Variants in IGF2R observed in about 807,000 individuals in gnomAD.
IGF2R encodes insulin like growth factor 2 receptor, also known as cation-independent mannose-6-phosphate receptor.
A neutral mutation model predicts 270.6 loss-of-function variants in IGF2R; 91 were observed. The observed-to-expected ratio is 0.34, with a 90% CI of 0.28 to 0.40. IGF2R has a LOEUF of 0.40. IGF2R is among the 10% of genes least tolerant of loss of function. The probability of loss-of-function intolerance (pLI) is 1.00; values close to 1 mark genes in which losing one functional copy is unlikely to be tolerated. For missense variants in IGF2R, 2,805 were observed against 3,188.3 expected (o/e 0.88, Z 2.90); for synonymous variants, 1,316 against 1,258.9 (o/e 1.05, Z -0.96).
chr6:159,975,185 A>G (rs564967010), intron 1 of IGF2R, among the ~76,000 whole-genome samples: 3 of 152,282 alleles, frequency 2.0e-5, no homozygotes, highest in Non-Finnish European at 4.4e-5. Context: ...ACTGGCTTCA[A>G]TTTGGGGTTC....
At chr6:160,100,891 A>G (rs896413957) in intron 45 of IGF2R, among the ~76,000 whole-genome samples, 1 of 149,368 alleles carries the variant, frequency 6.7e-6, no homozygotes, top group African/African-American at 2.5e-5. Context: ...CCCAGATTCA[A>G]GTGATTCTCA....
At chr6:160,027,900 C>A (rs928560395) in intron 6 of IGF2R, among the ~76,000 whole-genome samples, 3 of 152,112 alleles carry the variant, frequency 2.0e-5, no homozygotes, top group African/African-American at 7.2e-5. Flanking sequence ...CATTCAGAGG[C>A]CTTTGGTAGA....
At chr6:159,986,525 C>T (rs12110363) in intron 1 of IGF2R, among the ~76,000 whole-genome samples, 1,616 of 151,770 alleles carry the variant, frequency 0.011, 29 homozygotes, top group African/African-American at 0.037. Context: ...ACCTTGGCCT[C>T]CCAAAGTGCT....
At position 160,088,134 on chromosome 6, in the gene IGF2R, C is replaced by G. The variant is rs777962020; in HGVS notation, c.6307C>G (p.Pro2103Ala). 3.2e-5 allele frequency: 52 copies of G among 1,605,270 alleles called. No individual in the cohort carries two copies. Among genetic ancestry groups the G allele is most frequent in the Non-Finnish European group, 4.4e-5 (51 of 1,172,142 alleles). ...GACCTGTACAAAGACGGTGGGCAGA[C>G]CTGCATTCAAGAGGTCAGGAGACTG... Reference protein sequence around the residue: ...ELTCTKTVGRPAFKRFDIDSC... With the variant: ...ELTCTKTVGRAAFKRFDIDSC... Residue 2103 changes from proline (P) to alanine (A), a missense_variant, in exon 42 of 48, where the codon CCT becomes GCT. Transcript: ENST00000356956.
At chr6:159,983,179 C>G (rs60199008) in intron 1 of IGF2R, among the ~76,000 whole-genome samples, 1,635 of 152,286 alleles carry the variant, frequency 0.011, 29 homozygotes, top group African/African-American at 0.038. Context: ...CCTGGGGCTA[C>G]ATTGACTTCT....
At chr6:160,039,334 C>T (rs1336048791) in intron 10 of IGF2R, among the ~76,000 whole-genome samples, 5 of 152,188 alleles carry the variant, frequency 3.3e-5, no homozygotes, top group African/African-American at 1.2e-4. Context: ...AAATACGATA[C>T]TATAATCTTT....
chr6:160,070,223 A>G (rs1021026785), intron 31 of IGF2R, among the ~76,000 whole-genome samples, 165 bp downstream of exon 31: 7 of 152,214 alleles, frequency 4.6e-5, no homozygotes, highest in Non-Finnish European at 8.8e-5. Flanking sequence ...GCGGCCTGCA[A>G]TCTGGGGAAC....
chr6:160,100,560 C>CT (rs1554250627), intron 45 of IGF2R, among the ~76,000 whole-genome samples: 2 of 151,768 alleles, frequency 1.3e-5, no homozygotes, highest in African/African-American at 2.4e-5. Context: ...AAGAGTAAAG[C>CT]TTTTTTTGGA....
intron 2 of IGF2R, among the ~76,000 whole-genome samples, chr6:159,999,222 A>G (rs933792608): frequency 6.6e-6 from 1 of 152,222 alleles, no homozygotes; most frequent in Non-Finnish European, 1.5e-5. Flanking sequence ...GTGTAGGACA[A>G]TTGAAGTAGG....
At chr6:159,987,038 C>A (rs73594484) in intron 1 of IGF2R, among the ~76,000 whole-genome samples, 1,635 of 152,166 alleles carry the variant, frequency 0.011, 29 homozygotes, top group African/African-American at 0.038. Flanking sequence ...TTTTCTAGTT[C>A]TATAATGTGA....
intron 31 of IGF2R, among the ~76,000 whole-genome samples, chr6:160,070,774 G>A (rs192087629): frequency 2.6e-5 from 4 of 152,304 alleles, no homozygotes; most frequent in East Asian, 1.9e-4. Context: ...AGGGTGGCTC[G>A]CCCCATGCTC....
At position 160,040,739 on chromosome 6, in the gene IGF2R, G is replaced by A. The variant is rs1158778418; in HGVS notation, c.1480+15G>A. On this transcript the variant is annotated intron_variant, in intron 11 of 47. Coordinates refer to ENST00000356956, the MANE Select transcript of IGF2R (RefSeq NM_000876.4). ...CCGCCATGCAGGTACTGCCCTCCTT[G>A]CCATGCGGGTCTTAGTCCACATGCT... 1.2e-6 allele frequency: 2 copies of A among 1,605,988 alleles called. No homozygotes were observed. The highest frequency in any genetic ancestry group is 1.3e-5 in the African/African-American group (1 of 74,830).
At chr6:159,980,208 A>AAGAAAGG (rs1562330501) in intron 1 of IGF2R, among the ~76,000 whole-genome samples, 1 of 90,568 alleles carries the variant, frequency 1.1e-5, no homozygotes, top group Non-Finnish European at 2.1e-5. Context: ...AGAAAGAAAG[A>AAGAAAGG]AAGAAAGAAA....
At position 159,969,269 on chromosome 6, in the gene IGF2R, G is replaced by T; in HGVS notation, c.23G>T (p.Ser8Ile). The T allele has an allele frequency of 7.1e-6, 8 of 1,130,050 alleles. No homozygotes were observed. The highest frequency in any genetic ancestry group is 7.6e-6 in the Non-Finnish European group (7 of 926,140). The allele number at this position is 1,130,050 out of a possible 1,614,324, so 70.0% of individuals were successfully genotyped here. Residue 8 changes from serine to isoleucine, a missense_variant, in exon 1 of 48, where the codon AGC becomes ATC. By Grantham distance (142) the Ser-to-Ile change is moderately radical. Transcript: ENST00000356956. ...GCGATGGGGGCCGCCGCCGGCCGGA[G>T]CCCCCACCTGGGGCCCGCGCCCGCC... Reference protein sequence around the residue: MGAAAGRSPHLGPAPARR... With the variant: MGAAAGRIPHLGPAPARR...
intron 35 of IGF2R, 61 bp from the exon 36 acceptor site, chr6:160,075,786 T>A: frequency 6.4e-7 from 1 of 1,555,010 alleles, no homozygotes; most frequent in Non-Finnish European, 8.8e-7. Context: ...AATTCTTAAT[T>A]CCACTAACCT....
intron 1 of IGF2R, among the ~76,000 whole-genome samples, chr6:159,970,898 C>T (rs1783599156): frequency 6.6e-6 from 1 of 151,422 alleles, no homozygotes; most frequent in African/African-American, 2.4e-5. Context: ...AGCAACATGG[C>T]GAAACCCCGT....
At chr6:160,089,355 G>C in intron 43 of IGF2R, 102 bp downstream of exon 43, 1 of 1,042,712 alleles carries the variant, frequency 9.6e-7, no homozygotes, top group Non-Finnish European at 1.4e-6. Flanking sequence ...AAATAGGTCT[G>C]TGTTTTAGTT....
chr6:160,042,869 G>C (rs1191163284), intron 11 of IGF2R, among the ~76,000 whole-genome samples: 1 of 152,186 alleles, frequency 6.6e-6, no homozygotes, highest in East Asian at 1.9e-4. Context: ...GGGCTTGGGA[G>C]AATTTTGCCG....
chr6:159,986,273 C>T (rs913764933), intron 1 of IGF2R, among the ~76,000 whole-genome samples: 1 of 151,190 alleles, frequency 6.6e-6, no homozygotes, highest in Admixed American at 6.6e-5. Flanking sequence ...ACTCTGTCAC[C>T]CAGTCTGGAG....
Sources: gnomAD v4.1 joint callset for allele counts (sites outside exome capture counted in the v4.1 genomes callset) on GRCh38, gnomAD v4.1.1 for gene constraint, MANE v1.5 for transcripts, NCBI Gene and HGNC (gene_info 2026-07-23, HGNC 2026-07-21) for gene names.